RBMS3: variants seen among roughly 807,000 people sequenced by gnomAD.
RBMS3 encodes RNA binding motif single stranded interacting protein 3, also known as RNA-binding motif, single-stranded-interacting protein 3.
Under a neutral mutation model 66.8 loss-of-function variants are expected in RBMS3, and 27 were observed. The observed-to-expected ratio is 0.40, with a 90% CI of 0.30 to 0.56. RBMS3 has a LOEUF of 0.56. Among genes scored for constraint, RBMS3 ranks in the 20% least tolerant of loss-of-function variants. RBMS3 has a pLI of 0.40. For synonymous variants in RBMS3, 188 were observed against 183.0 expected (o/e 1.03, Z -0.22); for missense variants, 513 against 549.5 (o/e 0.93, Z 0.66).
At chr3:29,321,100 G>A (rs1256774862) in intron 1 of RBMS3, among the ~76,000 whole-genome samples, 3 of 152,056 alleles carry the variant, frequency 2.0e-5, no homozygotes, top group Non-Finnish European at 4.4e-5. Context: ...GGAACCTTAA[G>A]ATAGAATCTC....
chr3:29,727,160 C>T (rs2053920989), intron 4 of RBMS3, among the ~76,000 whole-genome samples: 2 of 152,100 alleles, frequency 1.3e-5, no homozygotes, highest in Admixed American at 6.5e-5. Context: ...ACTGGCTAGC[C>T]ATATGCAGAA....
intron 5 of RBMS3, among the ~76,000 whole-genome samples, chr3:29,747,448 A>AGATAGATAGATG (rs2054971258): frequency 7.3e-6 from 1 of 136,242 alleles, no homozygotes; most frequent in South Asian, 2.4e-4. Context: ...ATAGATAGAT[A>AGATAGATAGATG]GATGTCAGGT....
chr3:29,557,418 G>T (rs2046402935), intron 3 of RBMS3, among the ~76,000 whole-genome samples: 1 of 152,216 alleles, frequency 6.6e-6, no homozygotes, highest in African/African-American at 2.4e-5. Context: ...ATTCCAAGAT[G>T]TTGAAACTGC....
At chr3:29,963,173 C>T (rs1354275085) in intron 12 of RBMS3, among the ~76,000 whole-genome samples, 1 of 151,966 alleles carries the variant, frequency 6.6e-6, no homozygotes, top group Non-Finnish European at 1.5e-5. Flanking sequence ...TATAGATTTC[C>T]TTAGGGAACA....
chr3:29,688,753 T>C (rs2051849291), intron 4 of RBMS3, among the ~76,000 whole-genome samples: 1 of 151,776 alleles, frequency 6.6e-6, no homozygotes, highest in Non-Finnish European at 1.5e-5. Context: ...AAGCTGATTT[T>C]TGTATTTTTA....
chr3:29,815,974 A>T (rs2057882467), intron 6 of RBMS3, among the ~76,000 whole-genome samples: 1 of 152,136 alleles, frequency 6.6e-6, no homozygotes, highest in South Asian at 2.1e-4. Context: ...AGAGAGGGTT[A>T]TGAGTATTGA....
intron 6 of RBMS3, among the ~76,000 whole-genome samples, chr3:29,837,094 G>A (rs183145156): frequency 8.6e-5 from 13 of 152,022 alleles, no homozygotes; most frequent in Admixed American, 3.3e-4. Flanking sequence ...TGATAGTTTT[G>A]ATAACAGTGT....
chr3:29,703,339 T>C (rs1251725104), intron 4 of RBMS3, among the ~76,000 whole-genome samples: 1 of 152,214 alleles, frequency 6.6e-6, no homozygotes, highest in Non-Finnish European at 1.5e-5. Context: ...GTTAATTCAA[T>C]GTGTGGGGAA....
intron 4 of RBMS3, among the ~76,000 whole-genome samples, chr3:29,722,812 G>C (rs35951078): frequency 6.6e-6 from 1 of 151,682 alleles, no homozygotes; most frequent in African/African-American, 2.4e-5. Context: ...GTATCATATC[G>C]AGAGGCACAA....
chr3:29,930,157 GCTGGA>G (rs2061079875), intron 10 of RBMS3, among the ~76,000 whole-genome samples: 1 of 63,790 alleles, frequency 1.6e-5, no homozygotes, highest in Non-Finnish European at 3.9e-5. Flanking sequence ...TGTCTCCCAG[GCTGGA>G]GTGCAGTGGC....
chr3:29,957,172 T>C (rs1347389432), intron 12 of RBMS3, among the ~76,000 whole-genome samples: 1 of 152,142 alleles, frequency 6.6e-6, no homozygotes, highest in Non-Finnish European at 1.5e-5. Context: ...AATACCTTTA[T>C]TGTAACATTT....
chr3:29,487,685 A>G (rs1375603700), intron 2 of RBMS3, among the ~76,000 whole-genome samples: 2 of 152,144 alleles, frequency 1.3e-5, no homozygotes, highest in African/African-American at 4.8e-5. Context: ...ACCCCATTTT[A>G]CCTTCACAAA....
chr3:29,299,306 G>A (rs571781078), intron 1 of RBMS3, among the ~76,000 whole-genome samples: 4 of 151,984 alleles, frequency 2.6e-5, no homozygotes, highest in Admixed American at 2.6e-4. Flanking sequence ...GAGGCACAAG[G>A]TTAGAAAGAG....
chr3:29,331,815 C>CTTTTTTTT (rs11354452), intron 1 of RBMS3, among the ~76,000 whole-genome samples: 1 of 69,710 alleles, frequency 1.4e-5, no homozygotes, highest in Non-Finnish European at 2.5e-5. Flanking sequence ...AGGATAGCTC[C>CTTTTTTTT]TTTTTTTTTT....
chr3:29,368,965 G>A (rs1433906912), intron 1 of RBMS3, among the ~76,000 whole-genome samples: 1 of 152,138 alleles, frequency 6.6e-6, no homozygotes, highest in Non-Finnish European at 1.5e-5. Flanking sequence ...TATACATCAT[G>A]GAGTACTGTG....
rs1305905526 is a variant in RBMS3, at chr3:30,004,899, AC to A, written c.*1038del. ...TAGCTTAAGAGCATTAAAAAAAAAA[AC>A]TTAAGTAGATAGGAGCTTATGGTCA... is the stretch of plus-strand genomic sequence containing the variant. On this transcript the variant is annotated 3_prime_UTR_variant, in exon 15 of 15. Coordinates refer to ENST00000383767, the MANE Select transcript of RBMS3 (RefSeq NM_001003793.3). The A allele has an allele frequency of 2.7e-5, 4 of 149,712 alleles. No homozygotes were observed. Among genetic ancestry groups the A allele is most frequent in the Admixed American group, 1.4e-4 (2 of 14,812 alleles). 9.3% of individuals were successfully genotyped at this position (149,712 alleles called of 1,614,324 possible). A position where few individuals can be genotyped will look rare whatever the true frequency, so the allele number is the denominator to read the frequency against.
At chr3:29,362,120 C>T (rs531267563) in intron 1 of RBMS3, among the ~76,000 whole-genome samples, 17 of 152,304 alleles carry the variant, frequency 1.1e-4, no homozygotes, top group South Asian at 1.0e-3. Context: ...GGAGGAGAGG[C>T]GCTCTGATTT....
chr3:29,294,432 C>G (rs189966789), intron 1 of RBMS3, among the ~76,000 whole-genome samples: 2 of 149,586 alleles, frequency 1.3e-5, no homozygotes, highest in Admixed American at 6.7e-5. Context: ...AAGTCAGAAA[C>G]TAATAGAAAA....
rs553520590 is a variant in RBMS3, at chr3:29,559,510, C to CAAAAAAAAAAAAA, written c.308-27573_308-27561dup. Reference sequence around the variant, plus strand: ...TGGGTGACAGAGGAAGACTCTGTCTCAAAAAAAAAAAAAAAAAAAAAAAAA... The same window carrying CAAAAAAAAAAAAA: ...TGGGTGACAGAGGAAGACTCTGTCTCAAAAAAAAAAAAAAAAAAAAAAAAAAAAAAAAAAAAAA... On this transcript the variant is annotated intron_variant, in intron 3 of 14. Transcript: ENST00000383767. Among the ~76,000 whole-genome samples, 24 of 41,338 alleles carry CAAAAAAAAAAAAA rather than the reference C, an allele frequency of 5.8e-4. 3 individuals are homozygous for CAAAAAAAAAAAAA. The highest frequency in any genetic ancestry group is 7.6e-4 in the Non-Finnish European group (14 of 18,368). 27.1% of individuals were successfully genotyped at this position (41,338 alleles called of 152,430 possible).
Sources: allele counts gnomAD v4.1 joint callset (sites outside exome capture counted in the v4.1 genomes callset), GRCh38; gene constraint gnomAD v4.1.1; transcripts MANE v1.5; gene names NCBI Gene and HGNC (gene_info 2026-07-23, HGNC 2026-07-21).